The following RASGEF1C variants were observed in gnomAD, a reference collection of about 807,000 sequenced individuals.
The protein encoded by RASGEF1C is ras-GEF domain-containing family member 1C.
Under a neutral mutation model 58.1 loss-of-function variants are expected in RASGEF1C, and 27 were observed. The observed-to-expected ratio is 0.46, with a 90% confidence interval of 0.34 to 0.64. RASGEF1C has a LOEUF of 0.64. Ranked by LOEUF, RASGEF1C falls within the 30% of genes least tolerant of loss-of-function variation. RASGEF1C has a pLI of 0.01. For missense variants in RASGEF1C, 502 were observed against 605.1 expected (o/e 0.83, Z 1.79); for synonymous variants, 243 against 246.3 (o/e 0.99, Z 0.13).
chr5:180,173,276 C>A (rs1767142425), intron 1 of RASGEF1C, among the ~76,000 whole-genome samples: 1 of 152,236 alleles, frequency 6.6e-6, no homozygotes, highest in African/African-American at 2.4e-5. Flanking sequence ...TGGCCAGAAC[C>A]AAGGGCTGCC....
chr5:180,152,892 C>T (rs947233428), intron 1 of RASGEF1C, among the ~76,000 whole-genome samples: 1 of 90,952 alleles, frequency 1.1e-5, no homozygotes, highest in African/African-American at 4.7e-5. Context: ...GCCTGGGCAA[C>T]AAGAGCAAAA....
rs570108607 is a variant in RASGEF1C, at chr5:180,121,267, C to A, written c.715-118G>T. On this transcript the variant is annotated intron_variant, in intron 6 of 13. Transcript: ENST00000361132. ...GGAAATGTTAAAACCCCCAAACCAT[C>A]CAGAAATACCAAAGATTTGGTATGT... 1.6e-3 allele frequency: 1,079 copies of A among 683,936 alleles called. 1 individual carries two copies. The highest frequency in any genetic ancestry group is 2.3e-3 in the Non-Finnish European group (871 of 380,158). 42.4% of individuals were successfully genotyped at this position (683,936 alleles called of 1,614,324 possible). A position where few individuals can be genotyped will look rare whatever the true frequency, so the allele number is the denominator to read the frequency against.
At chr5:180,128,040 G>T (rs1766292913) in intron 5 of RASGEF1C, among the ~76,000 whole-genome samples, 1 of 152,230 alleles carries the variant, frequency 6.6e-6, no homozygotes, top group Admixed American at 6.5e-5. Context: ...CCCTGGCTCT[G>T]TCCCTTCTGC....
At chr5:180,181,470 C>CTGGAG (rs941825829) in intron 1 of RASGEF1C, among the ~76,000 whole-genome samples, 29 of 152,260 alleles carry the variant, frequency 1.9e-4, no homozygotes, top group South Asian at 1.0e-3. Context: ...GGAGGCCACA[C>CTGGAG]TGGAGTGGAG....
intron 11 of RASGEF1C, among the ~76,000 whole-genome samples, chr5:180,113,202 A>G (rs111161624): frequency 0.11 from 1,948 of 17,244 alleles, 204 homozygotes; most frequent in Non-Finnish European, 0.15. Flanking sequence ...CAGGATGGAC[A>G]GAGGGACCGG....
chr5:180,190,668 A>C (rs1756148228), intron 1 of RASGEF1C, among the ~76,000 whole-genome samples: 1 of 151,454 alleles, frequency 6.6e-6, no homozygotes, highest in South Asian at 2.1e-4. Context: ...ACCCTGTCTC[A>C]AAAATAATAA....
chr5:180,185,023 T>C (rs1253150795), intron 1 of RASGEF1C, among the ~76,000 whole-genome samples: 1 of 152,206 alleles, frequency 6.6e-6, no homozygotes, highest in African/African-American at 2.4e-5. Context: ...CCAGGGGCGG[T>C]GGCTCACACC....
intron 1 of RASGEF1C, among the ~76,000 whole-genome samples, chr5:180,165,040 C>T (rs968624113): frequency 1.3e-5 from 2 of 152,122 alleles, no homozygotes; most frequent in African/African-American, 4.8e-5. Flanking sequence ...TGGTAATTCT[C>T]TTTGCTTTAA....
At chr5:180,183,736 T>A (rs1258720374) in intron 1 of RASGEF1C, among the ~76,000 whole-genome samples, 1 of 151,182 alleles carries the variant, frequency 6.6e-6, no homozygotes, top group Middle Eastern at 3.2e-3. Flanking sequence ...GGCAGGAGAA[T>A]CGCTTGAACC....
At position 180,209,125 on chromosome 5, in the gene RASGEF1C, GCCGCCGCCGCCGCCGCCGCCGCCGCCCGA is replaced by G. The variant is rs1371957955; in HGVS notation, c.-133_-105del. 1 of 9,084 alleles carries G rather than the reference GCCGCCGCCGCCGCCGCCGCCGCCGCCCGA, an allele frequency of 1.1e-4. No homozygotes were observed. Among genetic ancestry groups the G allele is most frequent in the Non-Finnish European group, 3.6e-4 (1 of 2,816 alleles). 0.6% of individuals were successfully genotyped at this position (9,084 alleles called of 1,614,324 possible). A position where few individuals can be genotyped will look rare whatever the true frequency, so the allele number is the denominator to read the frequency against. Reference sequence around the variant, plus strand: ...CGGGGCGCCGCCCGCCGCCGCCGCCGCCGCCGCCGCCGCCGCCGCCGCCGCCCGACCGCCCGGCTCCCAGCGCAGCCCGC... The same window carrying G: ...CGGGGCGCCGCCCGCCGCCGCCGCCGCCGCCCGGCTCCCAGCGCAGCCCGC... On this transcript the variant is annotated 5_prime_UTR_variant, in exon 1 of 14. Transcript: ENST00000361132.
chr5:180,129,029 T>C (rs564639397), intron 4 of RASGEF1C, among the ~76,000 whole-genome samples: 291 of 152,320 alleles, frequency 1.9e-3, no homozygotes, highest in African/African-American at 6.6e-3. Context: ...TTGGCTTTAA[T>C]GGGGCCTCTG....
intron 1 of RASGEF1C, among the ~76,000 whole-genome samples, chr5:180,206,750 G>A (rs1447824870): frequency 6.6e-6 from 1 of 152,222 alleles, no homozygotes; most frequent in Non-Finnish European, 1.5e-5. Context: ...TACTATGTGA[G>A]TGTAAAAAAG....
chr5:180,191,135 C>T (rs1002437400), intron 1 of RASGEF1C, among the ~76,000 whole-genome samples: 1 of 152,170 alleles, frequency 6.6e-6, no homozygotes, highest in Non-Finnish European at 1.5e-5. Context: ...TAAAGACTGA[C>T]AATACCAGAT....
At chr5:180,161,402 G>A (rs545709071) in intron 1 of RASGEF1C, among the ~76,000 whole-genome samples, 211 of 152,380 alleles carry the variant, frequency 1.4e-3, no homozygotes, top group Middle Eastern at 6.8e-3. Flanking sequence ...CCCTAGCCCC[G>A]CGCAGCCCTG....
intron 4 of RASGEF1C, among the ~76,000 whole-genome samples, chr5:180,130,839 G>C (rs116187268): frequency 3.7e-4 from 56 of 152,048 alleles, no homozygotes; most frequent in Non-Finnish European, 7.1e-4. Context: ...TATGGGCGGC[G>C]GTCCGTCATA....
chr5:180,185,446 A>T (rs1756019130), intron 1 of RASGEF1C, among the ~76,000 whole-genome samples: 1 of 151,916 alleles, frequency 6.6e-6, no homozygotes, highest in Non-Finnish European at 1.5e-5. Flanking sequence ...TTAGCCGGGC[A>T]TGGTGGTGTG....
intron 1 of RASGEF1C, among the ~76,000 whole-genome samples, chr5:180,171,451 G>A (rs979947103): frequency 1.3e-5 from 2 of 152,150 alleles, no homozygotes; most frequent in Non-Finnish European, 2.9e-5. Context: ...GCAGTGACAA[G>A]CACCCCAGCA....
rs140732649 is a variant in RASGEF1C, at chr5:180,197,435, C to T, written c.-7+11593G>A. The stretch of plus-strand genomic sequence containing the variant: ...CTGAGCCTAGCTCAGGCCTGAAACC[C>T]ACGGCTGCTCAGCATGTGTTTATTG... On this transcript the variant is annotated intron_variant, in intron 1 of 13. Transcript: ENST00000361132. The surrounding 1 kb of genome is among the most constrained non-coding windows in gnomAD (Gnocchi z 4.7). Among the ~76,000 whole-genome samples the T allele has an allele frequency of 9.7e-4, 147 of 152,306 alleles. No homozygotes were observed. Among genetic ancestry groups the T allele is most frequent in the South Asian group, 6.8e-3 (33 of 4,828 alleles).
At chr5:180,205,987 A>G (rs1756480661) in intron 1 of RASGEF1C, among the ~76,000 whole-genome samples, 1 of 152,178 alleles carries the variant, frequency 6.6e-6, no homozygotes, top group South Asian at 2.1e-4. Flanking sequence ...TGCCTGCCTC[A>G]GCCTTCCCAA....
Sources: allele counts gnomAD v4.1 joint callset (sites outside exome capture counted in the v4.1 genomes callset), GRCh38; gene constraint gnomAD v4.1.1; non-coding constraint Gnocchi (gnomAD v3.1); transcripts MANE v1.5; gene names NCBI Gene and HGNC (gene_info 2026-07-23, HGNC 2026-07-21).